ACO2: variants seen among roughly 807,000 people sequenced by gnomAD.
ACO2 encodes aconitate hydratase, mitochondrial.
A neutral mutation model predicts 84.5 loss-of-function variants in ACO2; 31 were observed. The observed-to-expected ratio is 0.37, with a 90% confidence interval of 0.28 to 0.50. ACO2 has a LOEUF of 0.50. Ranked by LOEUF, ACO2 falls within the 20% of genes least tolerant of loss-of-function variation. The pLI is 0.97. For synonymous variants in ACO2, 414 were observed against 412.7 expected (o/e 1.00, Z -0.04); for missense variants, 685 against 1,029.3 (o/e 0.67, Z 4.58).
chr22:41,498,704 C>T, intron 1 of ACO2, among the ~76,000 whole-genome samples: 1 of 152,212 alleles, frequency 6.6e-6, no homozygotes, highest in East Asian at 1.9e-4. Flanking sequence ...GAGAGCAAGC[C>T]AGGCAGAAGC....
At chr22:41,494,523 T>C (rs1392919476) in intron 1 of ACO2, among the ~76,000 whole-genome samples, 1 of 151,370 alleles carries the variant, frequency 6.6e-6, no homozygotes, top group East Asian at 1.9e-4. Flanking sequence ...GCGATTCTCC[T>C]GCCTCAGCCT....
chr22:41,512,291 G>T, intron 4 of ACO2: 1 of 251,954 alleles, frequency 4.0e-6, no homozygotes, highest in Non-Finnish European at 7.6e-6. Flanking sequence ...TACAGAACAT[G>T]GTATTATTTT....
chr22:41,509,799 G>A (rs1034730695), intron 3 of ACO2, among the ~76,000 whole-genome samples: 1 of 148,422 alleles, frequency 6.7e-6, no homozygotes, highest in East Asian at 2.0e-4. Flanking sequence ...CAGTTTAAGC[G>A]GAGAAAGAAT....
At chr22:41,469,307 T>A (rs2037909717) in intron 1 of ACO2, 125 bp downstream of exon 1, 2 of 1,213,734 alleles carry the variant, frequency 1.6e-6, no homozygotes. Context: ...CCTGTCCCGG[T>A]TGTGGGCCCG....
chr22:41,500,569 G>T (rs2066347334), intron 2 of ACO2, among the ~76,000 whole-genome samples: 1 of 151,758 alleles, frequency 6.6e-6, no homozygotes, highest in Non-Finnish European at 1.5e-5. Flanking sequence ...AGTTTTAGTA[G>T]AGATGGGGTT....
At chr22:41,518,423 A>C (rs746748646) in intron 7 of ACO2, 58 bp from the exon 8 acceptor site, 75 of 1,363,462 alleles carry the variant, frequency 5.5e-5, no homozygotes, top group Non-Finnish European at 7.4e-5. Flanking sequence ...GTGGTGAGTG[A>C]ACTCTCAAGA....
chr22:41,518,494 A>G lies in ACO2; in HGVS notation c.954A>G (p.Leu318=), dbSNP rs767214846. ...SKTGREDIAN[L]ADEFKDHLVP... Reference sequence around the variant, plus strand: ...TGTTGATTTCAGACATTGCCAATCTAGCTGATGAATTCAAGGATCACTTGG... The same window carrying G: ...TGTTGATTTCAGACATTGCCAATCTGGCTGATGAATTCAAGGATCACTTGG... Residue 318 remains leucine, a synonymous_variant, in exon 8 of 18, where the codon CTA becomes CTG. Transcript: ENST00000216254. 6.2e-7 allele frequency: 1 copy of G among 1,613,438 alleles called. No individual in the cohort carries two copies. The highest frequency in any genetic ancestry group is 8.5e-7 in the Non-Finnish European group (1 of 1,179,706).
chr22:41,520,967 C>A (rs2146132095), intron 9 of ACO2, among the ~76,000 whole-genome samples: 1 of 145,176 alleles, frequency 6.9e-6, no homozygotes, highest in Non-Finnish European at 1.5e-5. Context: ...GAGATGGTAC[C>A]ACTGCATTCC....
chr22:41,504,678 C>T (rs1300592732), intron 2 of ACO2, among the ~76,000 whole-genome samples: 2 of 133,204 alleles, frequency 1.5e-5, no homozygotes, highest in Non-Finnish European at 3.1e-5. Flanking sequence ...GCCAGTTGGT[C>T]TGCTGTTGCC....
chr22:41,499,772 A>T lies in ACO2; in HGVS notation c.83A>T (p.Gln28Leu). 6.2e-7 allele frequency: 1 copy of T among 1,614,012 alleles called. No individual in the cohort carries two copies. ...RQYHVASVLCQRAKVAMSHFE... is the reference protein window; with the variant it reads ...RQYHVASVLCLRAKVAMSHFE... ...TACCATGTGGCCTCAGTCCTGTGCCAACGGGCCAAGGTGGCGATGAGCCAC... is the reference window on the plus strand; with the variant it reads ...TACCATGTGGCCTCAGTCCTGTGCCTACGGGCCAAGGTGGCGATGAGCCAC... Residue 28 changes from glutamine to leucine, a missense_variant, in exon 2 of 18, where the codon CAA becomes CTA. Coordinates refer to ENST00000216254, the MANE Select transcript of ACO2 (RefSeq NM_001098.3).
chr22:41,500,528 G>A (rs902821459), intron 2 of ACO2, among the ~76,000 whole-genome samples: 2 of 151,422 alleles, frequency 1.3e-5, no homozygotes, highest in African/African-American at 4.9e-5. Flanking sequence ...GCAATTACAG[G>A]CACCTGCCAC....
intron 3 of ACO2, among the ~76,000 whole-genome samples, chr22:41,510,991 C>CA (rs1420690002): frequency 2.0e-5 from 3 of 151,846 alleles, no homozygotes; most frequent in Non-Finnish European, 4.4e-5. Flanking sequence ...CAAGTTATTT[C>CA]AAAAAAAGCC....
rs534016929 is a variant in ACO2, at chr22:41,499,856, G to A, written c.167G>A (p.Arg56His). The change falls in exon 2 of 18, where the codon CGC (arginine) becomes CAC (histidine). Residue 56 changes from arginine to histidine, a missense_variant. Physicochemically the swap from Arg to His is conservative, Grantham distance 29. Around this residue, in one of 5 missense-constraint regions of ACO2, gnomAD observed 98 missense variants for 107.6 expected, o/e 0.91. Coordinates refer to ENST00000216254, the MANE Select transcript of ACO2 (RefSeq NM_001098.3). ...CTAGAGAAGAACATTAACATTGTTC[G>A]CAAACGGTAAGGCTGCAGATGGGAG... ...DLLEKNINIVRKRLNRPLTLS... is the reference protein window; with the variant it reads ...DLLEKNINIVHKRLNRPLTLS... 6 of 1,613,878 alleles carry A rather than the reference G, an allele frequency of 3.7e-6. No individual in the cohort carries two copies. The highest frequency in any genetic ancestry group is 2.7e-5 in the African/African-American group (2 of 75,034).
intron 1 of ACO2, among the ~76,000 whole-genome samples, chr22:41,476,726 A>C (rs1988941843): frequency 6.6e-6 from 1 of 152,042 alleles, no homozygotes. Context: ...AAAACAAAAC[A>C]AAAAAACAAA....
chr22:41,519,632 C>T (rs1278571678), intron 8 of ACO2, among the ~76,000 whole-genome samples: 1 of 151,848 alleles, frequency 6.6e-6, no homozygotes, highest in African/African-American at 2.4e-5. Flanking sequence ...GATGAAACCC[C>T]GTCTCTACTA....
At position 41,515,573 on chromosome 22, in the gene ACO2, G is replaced by A; in HGVS notation, c.684+38G>A. 1 of 1,588,896 alleles carries A rather than the reference G, an allele frequency of 6.3e-7. No homozygotes were observed. Among genetic ancestry groups the A allele is most frequent in the Non-Finnish European group, 8.6e-7 (1 of 1,166,276 alleles). On this transcript the variant is annotated intron_variant, in intron 5 of 17. Coordinates refer to ENST00000216254, the MANE Select transcript of ACO2 (RefSeq NM_001098.3). This position sits in a 1 kb window ranked among gnomAD's most constrained non-coding sequence, Gnocchi z 5.8. ...AGGGACTCATTCTGGGCTGGCTGTGGGGTGGTGGTTGGTGGGGATGAACGG... is the reference window on the plus strand; with the variant it reads ...AGGGACTCATTCTGGGCTGGCTGTGAGGTGGTGGTTGGTGGGGATGAACGG...
chr22:41,499,675 G>T (rs961500658), intron 1 of ACO2, 51 bp from the exon 2 acceptor site: 9 of 1,586,590 alleles, frequency 5.7e-6, no homozygotes, highest in Non-Finnish European at 7.7e-6. Flanking sequence ...CCTCGGGGAT[G>T]GACTCTCCTA....
chr22:41,522,291 A>T (rs2066533125), intron 9 of ACO2, among the ~76,000 whole-genome samples: 2 of 152,318 alleles, frequency 1.3e-5, no homozygotes, highest in South Asian at 4.1e-4. Flanking sequence ...GCAAGCCTCG[A>T]CTGTGCCCTT....
intron 9 of ACO2, chr22:41,521,643 G>A (rs2066527372): frequency 6.6e-6 from 1 of 152,114 alleles, no homozygotes; most frequent in South Asian, 2.1e-4. Flanking sequence ...GCAATATAAT[G>A]TGTTCGCCCT....
Sources: gnomAD v4.1 joint callset for allele counts (sites outside exome capture counted in the v4.1 genomes callset) on GRCh38, gnomAD v4.1.1 for gene constraint, gnomAD v4.1.1 regional missense constraint, Gnocchi (gnomAD v3.1) non-coding constraint, MANE v1.5 for transcripts, NCBI Gene and HGNC (gene_info 2026-07-23, HGNC 2026-07-21) for gene names.